Variants in ENAH observed in about 807,000 individuals in gnomAD.
ENAH encodes ENAH actin regulator.
A neutral mutation model predicts 78.7 loss-of-function variants in ENAH; 23 were observed. That is an observed-to-expected ratio of 0.29 (90% CI 0.21 to 0.41). The LOEUF (loss-of-function observed/expected upper bound fraction) is 0.41, where lower values mean the gene tolerates loss of function less well. Ranked by LOEUF, ENAH falls within the 10% of genes least tolerant of loss-of-function variation. ENAH has a pLI of 1.00. For synonymous variants in ENAH, 226 were observed against 241.0 expected (o/e 0.94, Z 0.58); for missense variants, 544 against 691.0 (o/e 0.79, Z 2.39).
rs1386275792 is a variant in ENAH at position 225,615,714 on chromosome 1, G to A, written c.5+36972C>T. ...GCCGCGACCCCGTCTGGGAACTGAG[G>A]AGTGTCTCTGCCCGACCGCCACCCC... On this transcript the variant is annotated intron_variant, in intron 1 of 13. Coordinates refer to ENST00000366843, the MANE Select transcript of ENAH (RefSeq NM_018212.6). Among the ~76,000 whole-genome samples the A allele has an allele frequency of 1.1e-4, 17 of 150,450 alleles. 1 individual carries two copies. The highest frequency in any genetic ancestry group is 6.6e-5 in the Admixed American group (1 of 15,136).
At chr1:225,589,258 T>A (rs533075155) in intron 1 of ENAH, among the ~76,000 whole-genome samples, 2 of 152,210 alleles carry the variant, frequency 1.3e-5, no homozygotes, top group South Asian at 4.1e-4. Context: ...TTGCATCTGT[T>A]AAAACTTTCC....
chr1:225,507,780 A>G (rs953637522), intron 11 of ENAH, among the ~76,000 whole-genome samples, 171 bp downstream of exon 11: 1 of 152,176 alleles, frequency 6.6e-6, no homozygotes, highest in African/African-American at 2.4e-5. Flanking sequence ...CTAGTAATGT[A>G]GATGAGTAAT....
chr1:225,641,862 A>C (rs1380893331), intron 1 of ENAH, among the ~76,000 whole-genome samples: 2 of 152,080 alleles, frequency 1.3e-5, no homozygotes, highest in Non-Finnish European at 2.9e-5. Flanking sequence ...CTCTACTAAA[A>C]ATACAAAAAT....
At chr1:225,561,233 A>C (rs1047392338) in intron 2 of ENAH, among the ~76,000 whole-genome samples, 23 of 152,158 alleles carry the variant, frequency 1.5e-4, no homozygotes, top group Admixed American at 6.5e-5. Context: ...CCGTCTCAAA[A>C]ACAAAAACAA....
chr1:225,493,757 C>T lies in ENAH; in HGVS notation c.*4018G>A, dbSNP rs917178205. 6.6e-6 allele frequency: 1 copy of T among 152,010 alleles called. No homozygotes were observed. The highest frequency in any genetic ancestry group is 1.5e-5 in the Non-Finnish European group (1 of 67,994). 9.4% of individuals were successfully genotyped at this position (152,010 alleles called of 1,614,324 possible). A position where few individuals can be genotyped will look rare whatever the true frequency, so the allele number is the denominator to read the frequency against. On this transcript the variant is annotated 3_prime_UTR_variant, in exon 14 of 14. Transcript: ENST00000366843. The stretch of plus-strand genomic sequence containing the variant: ...TAGTTACTTTTACGCTGCTTATAAT[C>T]GGTAGAATTTAAAGGGTAATGGTGT...
intron 3 of ENAH, among the ~76,000 whole-genome samples, chr1:225,545,815 C>T (rs1045917362): frequency 6.6e-6 from 1 of 151,696 alleles, no homozygotes; most frequent in African/African-American, 2.4e-5. Context: ...CAATTTTACA[C>T]CTGATTTAGC....
At chr1:225,564,018 ATATTT>A (rs1317300525) in intron 2 of ENAH, among the ~76,000 whole-genome samples, 1 of 152,140 alleles carries the variant, frequency 6.6e-6, no homozygotes, top group Non-Finnish European at 1.5e-5. Flanking sequence ...GTTTTTTATA[ATATTT>A]TATTTCCTTC....
At chr1:225,565,442 T>A (rs1211246922) in intron 2 of ENAH, among the ~76,000 whole-genome samples, 2 of 149,594 alleles carry the variant, frequency 1.3e-5, no homozygotes, top group Non-Finnish European at 1.5e-5. Flanking sequence ...TCTCAAATAA[T>A]AAAAAAAAAA....
Position 225,530,605 on chromosome 1 carries a change from G to A in ENAH, c.383C>T (p.Pro128Leu), listed in dbSNP as rs1335900178. 1 of 1,613,576 alleles carries A rather than the reference G, an allele frequency of 6.2e-7. No individual in the cohort carries two copies. Among genetic ancestry groups the A allele is most frequent in the Non-Finnish European group, 8.5e-7 (1 of 1,179,624 alleles). ...PTLPRQNSQLPAQVQNGPSQE... is the reference protein window; with the variant it reads ...PTLPRQNSQLLAQVQNGPSQE... ...GGATGGGCCATTTTGAACTTGAGCA[G>A]GTAGTTGTGAGTTTTGTCTAGGCAA... The change falls in exon 4 of 14, where the codon CCT (proline) becomes CTT (leucine). Residue 128 changes from proline to leucine, a missense_variant. By Grantham distance (98) the Pro-to-Leu change is moderately conservative. Coordinates refer to ENST00000366843, the MANE Select transcript of ENAH (RefSeq NM_018212.6).
intron 1 of ENAH, among the ~76,000 whole-genome samples, chr1:225,617,009 G>C (rs1311855313): frequency 1.3e-5 from 2 of 151,910 alleles, no homozygotes; most frequent in Non-Finnish European, 2.9e-5. Context: ...TGAGGCAGGA[G>C]AATCGCTTGA....
rs1019064031 is a variant in ENAH, at chr1:225,567,514, C to T, written c.6-100G>A. On this transcript the variant is annotated intron_variant, in intron 1 of 13. Transcript: ENST00000366843. ...CCTAGGAGTCAGTCAACGATCAGTGCTGTTATTGGGTGCTGGAAACAATAA... is the reference window on the plus strand; with the variant it reads ...CCTAGGAGTCAGTCAACGATCAGTGTTGTTATTGGGTGCTGGAAACAATAA... 3.3e-5 allele frequency: 39 copies of T among 1,183,146 alleles called. No individual in the cohort carries two copies. In the African/African-American group the frequency reaches 5.7e-4, roughly 17 times the overall value. The allele number at this position is 1,183,146 out of a possible 1,614,324, so 73.3% of individuals were successfully genotyped here.
intron 3 of ENAH, among the ~76,000 whole-genome samples, chr1:225,535,082 AAATT>A (rs1192764086): frequency 6.6e-6 from 1 of 152,150 alleles, no homozygotes; most frequent in Non-Finnish European, 1.5e-5. Context: ...TGCACACCTA[AAATT>A]AATTCAAGTT....
chr1:225,623,027 G>T (rs1251309613), intron 1 of ENAH, among the ~76,000 whole-genome samples: 2 of 152,138 alleles, frequency 1.3e-5, no homozygotes, highest in Non-Finnish European at 2.9e-5. Context: ...AGAAAAACTT[G>T]CAAGTTAAGG....
intron 4 of ENAH, among the ~76,000 whole-genome samples, chr1:225,525,727 AG>A (rs2096498770): frequency 6.6e-6 from 1 of 152,194 alleles, no homozygotes; most frequent in Non-Finnish European, 1.5e-5. Context: ...ATAGCTTCTT[AG>A]GAAGTTGTGC....
At position 225,498,300 on chromosome 1, in the gene ENAH, T is replaced by C. The variant is rs901643765; in HGVS notation, c.1675+47A>G. 16 of 1,457,456 alleles carry C rather than the reference T, an allele frequency of 1.1e-5. No individual in the cohort carries two copies. In the African/African-American group the frequency reaches 2.0e-4, roughly 18 times the overall value. The allele number at this position is 1,457,456 out of a possible 1,614,324, so 90.3% of individuals were successfully genotyped here. On this transcript the variant is annotated intron_variant, in intron 13 of 13. Coordinates refer to ENST00000366843, the MANE Select transcript of ENAH (RefSeq NM_018212.6). ...TTTGCATTTTCTTAAAAATGGTCAA[T>C]CTTAAACATTGTTTTATAGGAATAG...
rs114529272 is a variant in ENAH at position 225,499,005 on chromosome 1, C to T, written c.1618-601G>A. Among the ~76,000 whole-genome samples the T allele has an allele frequency of 7.0e-3, 1,058 of 152,140 alleles. 18 individuals are homozygous for T. The highest frequency in any genetic ancestry group is 0.022 in the African/African-American group (899 of 41,500). ...ACGAATCATATGCAGCTGCTGAGCC[C>T]CTGAAATGAGGCTAATCTGAAATGA... On this transcript the variant is annotated intron_variant, in intron 12 of 13. Transcript: ENST00000366843.
chr1:225,596,442 A>C (rs2096902302), intron 1 of ENAH, among the ~76,000 whole-genome samples: 1 of 152,196 alleles, frequency 6.6e-6, no homozygotes, highest in Non-Finnish European at 1.5e-5. Flanking sequence ...AAGGTTCCTG[A>C]AATTACACCA....
chr1:225,608,815 C>CAAAAAAAAAAAAA lies in ENAH; in HGVS notation c.6-41414_6-41402dup, dbSNP rs928281132. On this transcript the variant is annotated intron_variant, in intron 1 of 13. Transcript: ENST00000366843. ...TGGGCGACAGAGCGAGACTCTGTCTCAAAAAAAAAAAAAAAAAAAAAAAAA... is the reference window on the plus strand; with the variant it reads ...TGGGCGACAGAGCGAGACTCTGTCTCAAAAAAAAAAAAAAAAAAAAAAAAAAAAAAAAAAAAAA... 2.3e-3 allele frequency among the ~76,000 whole-genome samples: 48 copies of CAAAAAAAAAAAAA among 20,666 alleles called. 2 individuals are homozygous for CAAAAAAAAAAAAA. The highest frequency in any genetic ancestry group is 7.4e-3 in the African/African-American group (45 of 6,064). 13.6% of individuals were successfully genotyped at this position (20,666 alleles called of 152,430 possible).
chr1:225,623,888 C>T (rs778102024), intron 1 of ENAH, among the ~76,000 whole-genome samples: 1 of 152,142 alleles, frequency 6.6e-6, no homozygotes, highest in Admixed American at 6.5e-5. Context: ...CGGGCCCAGT[C>T]AGTACCCGAT....
Sources: allele counts gnomAD v4.1 joint callset (sites outside exome capture counted in the v4.1 genomes callset), GRCh38; gene constraint gnomAD v4.1.1; transcripts MANE v1.5; gene names NCBI Gene and HGNC (gene_info 2026-07-23, HGNC 2026-07-21).